DOCK2: variants seen among roughly 807,000 people sequenced by gnomAD.
DOCK2 encodes the protein dedicator of cytokinesis 2, also known as dedicator of cytokinesis protein 2.
Under a neutral mutation model 248.9 loss-of-function variants are expected in DOCK2, and 87 were observed. The ratio of observed to expected loss-of-function variants is 0.35; its 90% CI spans 0.29 to 0.42. DOCK2 has a LOEUF of 0.42. DOCK2 is among the 10% of genes least tolerant of loss of function. DOCK2 has a pLI of 1.00. For synonymous variants in DOCK2, 805 were observed against 821.6 expected, an observed-to-expected ratio of 0.98 and a Z score of 0.35; for missense variants, 1,747 against 2,300.2, an observed-to-expected ratio of 0.76 and a Z score of 4.92.
intron 30 of DOCK2, among the ~76,000 whole-genome samples, chr5:170,005,688 C>A (rs1216454234): frequency 3.3e-5 from 5 of 151,830 alleles, no homozygotes; most frequent in Admixed American, 6.6e-5. Flanking sequence ...ATACTAGAAA[C>A]TAAATCATAC....
At chr5:169,657,678 T>G (rs1421579350) in intron 2 of DOCK2, among the ~76,000 whole-genome samples, 4 of 152,216 alleles carry the variant, frequency 2.6e-5, no homozygotes, top group African/African-American at 9.6e-5. Flanking sequence ...AAGACTTTAT[T>G]TAATCTTATA....
intron 27 of DOCK2, among the ~76,000 whole-genome samples, chr5:169,842,092 T>C (rs1770014065): frequency 6.6e-6 from 1 of 152,198 alleles, no homozygotes. Context: ...AAAATTTCCA[T>C]GTTTTGTATG....
intron 27 of DOCK2, among the ~76,000 whole-genome samples, chr5:169,886,268 G>T (rs1772963033): frequency 6.6e-6 from 1 of 152,172 alleles, no homozygotes; most frequent in Non-Finnish European, 1.5e-5. Context: ...GAAGAGCAGG[G>T]TTGGCTTCTG....
intron 27 of DOCK2, among the ~76,000 whole-genome samples, chr5:169,903,965 T>TGGCAGGAG (rs375077358): frequency 1.5e-4 from 23 of 151,792 alleles, no homozygotes; most frequent in African/African-American, 5.3e-4. Flanking sequence ...CTGGGCGTGG[T>TGGCAGGAG]CCTGTAATCC....
intron 27 of DOCK2, among the ~76,000 whole-genome samples, chr5:169,979,990 G>T (rs918862154): frequency 3.3e-5 from 5 of 152,074 alleles, no homozygotes; most frequent in Admixed American, 1.3e-4. Flanking sequence ...GCAATTCCAG[G>T]CAACTTGAGA....
chr5:169,754,453 C>T (rs532950501), intron 23 of DOCK2, among the ~76,000 whole-genome samples: 3 of 152,262 alleles, frequency 2.0e-5, no homozygotes, highest in East Asian at 3.9e-4. Context: ...ACCTAATTAG[C>T]AAGATAGCAT....
chr5:169,827,869 C>T (rs981670175), intron 26 of DOCK2, among the ~76,000 whole-genome samples: 2 of 150,758 alleles, frequency 1.3e-5, no homozygotes, highest in Non-Finnish European at 3.0e-5. Context: ...ACATTAAAAA[C>T]ACACACACAC....
At chr5:169,653,642 C>G (rs182671875) in intron 1 of DOCK2, among the ~76,000 whole-genome samples, 1 of 152,200 alleles carries the variant, frequency 6.6e-6, no homozygotes, top group Non-Finnish European at 1.5e-5. Flanking sequence ...CTGGCCCTGC[C>G]TGCAGGAAGC....
At chr5:169,783,517 A>T (rs904706287) in intron 25 of DOCK2, among the ~76,000 whole-genome samples, 2 of 152,198 alleles carry the variant, frequency 1.3e-5, no homozygotes, top group African/African-American at 4.8e-5. Flanking sequence ...AATGGCAATA[A>T]ATGCTAGATA....
chr5:169,679,996 A>T (rs766241408), intron 6 of DOCK2, among the ~76,000 whole-genome samples: 1 of 152,130 alleles, frequency 6.6e-6, no homozygotes. Context: ...TGTATGGACA[A>T]CTGAGGCTCT....
rs186356785 is a variant in DOCK2 at position 170,023,355 on chromosome 5, C to A, written c.3381+4247C>A. Reference sequence around the variant, plus strand: ...AGATTCCACTGAGACTGCATCTTGGCGTGGAGTAAGCTGGTGATTTAAATT... The same window carrying A: ...AGATTCCACTGAGACTGCATCTTGGAGTGGAGTAAGCTGGTGATTTAAATT... On this transcript the variant is annotated intron_variant, in intron 33 of 51. Coordinates refer to ENST00000520908, the MANE Select transcript of DOCK2 (RefSeq NM_004946.3). 8.1e-4 allele frequency among the ~76,000 whole-genome samples: 124 copies of A among 152,172 alleles called. 2 individuals are homozygous for A. Among genetic ancestry groups the A allele is most frequent in the Non-Finnish European group, 1.2e-3 (81 of 67,994 alleles).
At chr5:169,663,558 T>A (rs1758563378) in intron 2 of DOCK2, among the ~76,000 whole-genome samples, 1 of 152,224 alleles carries the variant, frequency 6.6e-6, no homozygotes, top group Admixed American at 6.5e-5. Context: ...TCCTCTGAAA[T>A]CTAAGCAGAG....
At chr5:169,913,991 A>G (rs1405393693) in intron 27 of DOCK2, among the ~76,000 whole-genome samples, 1 of 152,214 alleles carries the variant, frequency 6.6e-6, no homozygotes, top group African/African-American at 2.4e-5. Flanking sequence ...CCTGACCCAT[A>G]TCACACAGCA....
chr5:169,729,205 G>C (rs1762637358), intron 22 of DOCK2, among the ~76,000 whole-genome samples: 1 of 152,204 alleles, frequency 6.6e-6, no homozygotes, highest in African/African-American at 2.4e-5. Context: ...TAGTTTGCCA[G>C]AAGGGTGAAA....
intron 34 of DOCK2, among the ~76,000 whole-genome samples, chr5:170,028,326 A>G (rs1168347013): frequency 6.6e-6 from 1 of 152,160 alleles, no homozygotes; most frequent in Non-Finnish European, 1.5e-5. Flanking sequence ...TTAGCATGCT[A>G]TTGTGCAATG....
At chr5:169,872,100 G>A (rs186622688) in intron 27 of DOCK2, among the ~76,000 whole-genome samples, 55 of 152,228 alleles carry the variant, frequency 3.6e-4, no homozygotes, top group East Asian at 2.3e-3. Flanking sequence ...GATTCATGGC[G>A]TCTCCCTGAA....
At chr5:169,731,292 C>G (rs568432166) in intron 22 of DOCK2, among the ~76,000 whole-genome samples, 1 of 152,164 alleles carries the variant, frequency 6.6e-6, no homozygotes, top group African/African-American at 2.4e-5. Flanking sequence ...TGGGAGGAGC[C>G]CTATGGGAGG....
chr5:169,901,366 A>C (rs899799781), intron 27 of DOCK2, among the ~76,000 whole-genome samples: 1 of 152,160 alleles, frequency 6.6e-6, no homozygotes, highest in Admixed American at 6.6e-5. Context: ...AGGCCACATT[A>C]AGTCTTTTGG....
intron 26 of DOCK2, among the ~76,000 whole-genome samples, chr5:169,836,022 C>G (rs185985177): frequency 2.6e-5 from 4 of 152,280 alleles, no homozygotes; most frequent in African/African-American, 9.6e-5. Context: ...TCCCAAAGTG[C>G]TGGGGTTATA....
Sources: allele counts gnomAD v4.1 joint callset (sites outside exome capture counted in the v4.1 genomes callset), GRCh38; gene constraint gnomAD v4.1.1; transcripts MANE v1.5; gene names NCBI Gene and HGNC (gene_info 2026-07-23, HGNC 2026-07-21).